The following PTPDC1 variants were observed in gnomAD, a reference collection of about 807,000 sequenced individuals.
PTPDC1 encodes the protein protein tyrosine phosphatase domain containing 1.
Under a neutral mutation model 75.3 loss-of-function variants are expected in PTPDC1, and 53 were observed. That is an observed-to-expected ratio of 0.70 (90% CI 0.56 to 0.88). The LOEUF (loss-of-function observed/expected upper bound fraction) is 0.88, where lower values mean the gene tolerates loss of function less well. Ranked by LOEUF, PTPDC1 falls within the 40% of genes least tolerant of loss-of-function variation. The probability of loss-of-function intolerance (pLI) is 0.00; values close to 1 mark genes in which losing one functional copy is unlikely to be tolerated. For synonymous variants in PTPDC1, 349 were observed against 366.2 expected (o/e 0.95, Z 0.54); for missense variants, 925 against 998.6 (o/e 0.93, Z 0.99).
At chr9:94,058,708 A>AAAAC (rs1468481375) in intron 1 of PTPDC1, among the ~76,000 whole-genome samples, 7 of 151,282 alleles carry the variant, frequency 4.6e-5, no homozygotes, top group Admixed American at 6.6e-5. Flanking sequence ...TCTGTCTCAA[A>AAAAC]AAACAAACAA....
chr9:94,088,156 A>T lies in PTPDC1; in HGVS notation c.509A>T (p.Lys170Ile). The T allele has an allele frequency of 6.2e-7, 1 of 1,613,344 alleles. No individual in the cohort carries two copies. The highest frequency in any genetic ancestry group is 1.3e-5 in the African/African-American group (1 of 74,984). Residue 170 changes from lysine (K) to isoleucine (I), a missense_variant, in exon 4 of 9, where the codon AAA becomes ATA. Coordinates refer to ENST00000620992, the MANE Select transcript of PTPDC1 (RefSeq NM_001253829.2). Reference protein sequence around the residue: ...IIDQFLSHGIKTIINLQRPGE... With the variant: ...IIDQFLSHGIITIINLQRPGE... ...CTTTTTCCTTTAAGCCATGGCATAA[A>T]AACAATAATCAACCTCCAGCGCCCT...
At chr9:94,086,462 A>G (rs991008563) in intron 2 of PTPDC1, among the ~76,000 whole-genome samples, 2 of 152,186 alleles carry the variant, frequency 1.3e-5, no homozygotes, top group South Asian at 2.1e-4. Context: ...TTTGGGTCCC[A>G]TGTTAAACCA....
intron 1 of PTPDC1, among the ~76,000 whole-genome samples, chr9:94,062,252 A>C (rs1426080985): frequency 6.6e-6 from 1 of 152,180 alleles, no homozygotes; most frequent in Admixed American, 6.5e-5. Context: ...TCCAGTTCCC[A>C]GTAAATTCCC....
chr9:94,069,737 A>C (rs1826446237), intron 2 of PTPDC1, among the ~76,000 whole-genome samples: 2 of 146,956 alleles, frequency 1.4e-5, no homozygotes, highest in South Asian at 2.1e-4. Flanking sequence ...CTGGTCTTGA[A>C]CTCCTGACCT....
intron 1 of PTPDC1, chr9:94,064,598 G>T: frequency 1.6e-6 from 1 of 610,672 alleles, no homozygotes. Context: ...ATCTCAACCT[G>T]ACTAGCCATA....
intron 4 of PTPDC1, among the ~76,000 whole-genome samples, chr9:94,094,974 G>C (rs1827499258): frequency 6.6e-6 from 1 of 152,244 alleles, no homozygotes; most frequent in Non-Finnish European, 1.5e-5. Flanking sequence ...TGCGCCCACT[G>C]TCTGGCACTC....
Position 94,098,576 on chromosome 9 carries a change from G to T in PTPDC1, c.2010G>T (p.Trp670Cys). 2 of 1,609,358 alleles carry T rather than the reference G, an allele frequency of 1.2e-6. No homozygotes were observed. Among genetic ancestry groups the T allele is most frequent in the Non-Finnish European group, 1.7e-6 (2 of 1,177,098 alleles). The change falls in exon 6 of 9, where the codon TGG (tryptophan) becomes TGT (cysteine). Residue 670 changes from tryptophan to cysteine, a missense_variant. Coordinates refer to ENST00000620992, the MANE Select transcript of PTPDC1 (RefSeq NM_001253829.2). ...AACTAAAAAGGAAGGTAGAAATGTG[G>T]CAGGTATTATTAGTACTTAATTTAA... ...KEELKRKVEMWQKELNSRDGA... is the reference protein window; with the variant it reads ...KEELKRKVEMCQKELNSRDGA...
intron 1 of PTPDC1, among the ~76,000 whole-genome samples, chr9:94,064,119 T>G (rs1304686016): frequency 6.6e-6 from 1 of 152,200 alleles, no homozygotes; most frequent in African/African-American, 2.4e-5. Context: ...AACTACAAAG[T>G]TGAATTACAC....
upstream of PTPDC1, among the ~76,000 whole-genome samples, chr9:94,079,470 G>A (rs1302924131): frequency 6.6e-6 from 1 of 152,160 alleles, no homozygotes; most frequent in African/African-American, 2.4e-5. Context: ...AGTTTGGGTG[G>A]TGGCTGTTTT....
chr9:94,074,163 C>T (rs1826600771), intron 2 of PTPDC1, among the ~76,000 whole-genome samples: 1 of 152,148 alleles, frequency 6.6e-6, no homozygotes, highest in African/African-American at 2.4e-5. Flanking sequence ...TCTCGCTTGT[C>T]AGGCAGTGTT....
At chr9:94,038,281 TG>T in intron 1 of PTPDC1, 1 of 798,504 alleles carries the variant, frequency 1.3e-6, no homozygotes. Flanking sequence ...TGATCTTTGC[TG>T]GCATTAAGAA....
intron 1 of PTPDC1, among the ~76,000 whole-genome samples, chr9:94,058,048 ACC>A (rs1292213959): frequency 6.6e-6 from 1 of 152,222 alleles, no homozygotes; most frequent in African/African-American, 2.4e-5. Flanking sequence ...CAGTGAGTTT[ACC>A]TTTGCACCAG....
upstream of PTPDC1, among the ~76,000 whole-genome samples, chr9:94,082,197 A>C (rs892777855): frequency 2.0e-5 from 3 of 152,256 alleles, no homozygotes; most frequent in Admixed American, 6.5e-5. Flanking sequence ...TTGTCACAAA[A>C]AGTAGAGAAC....
chr9:94,100,418 A>G (rs1827796212), intron 6 of PTPDC1: 1 of 152,216 alleles, frequency 6.6e-6, no homozygotes, highest in Non-Finnish European at 1.5e-5. Flanking sequence ...TTTATACATG[A>G]TCTATGGGAT....
intron 4 of PTPDC1, among the ~76,000 whole-genome samples, chr9:94,091,750 A>T (rs1827329443): frequency 6.6e-6 from 1 of 152,124 alleles, no homozygotes; most frequent in African/African-American, 2.4e-5. Context: ...GATTATTGCC[A>T]CAATTTCAGC....
intron 1 of PTPDC1, among the ~76,000 whole-genome samples, chr9:94,043,549 C>A (rs559878877): frequency 1.3e-4 from 20 of 152,036 alleles, no homozygotes; most frequent in African/African-American, 3.9e-4. Flanking sequence ...ATGACTCCCC[C>A]CCTCTACAAA....
At chr9:94,103,335 A>G (rs1457616402) in intron 7 of PTPDC1, among the ~76,000 whole-genome samples, 1 of 152,206 alleles carries the variant, frequency 6.6e-6, no homozygotes, top group Non-Finnish European at 1.5e-5. Context: ...GTTTATCTCA[A>G]TACCCCTTAG....
intron 2 of PTPDC1, among the ~76,000 whole-genome samples, chr9:94,071,357 T>G (rs748744635): frequency 7.9e-5 from 12 of 152,196 alleles, no homozygotes; most frequent in Admixed American, 2.0e-4. Context: ...TTTTTTACTG[T>G]TGAGTTTTAA....
intron 1 of PTPDC1, among the ~76,000 whole-genome samples, chr9:94,031,660 ATTACCGTCCTTT>A (rs1212162492): frequency 6.6e-6 from 1 of 152,104 alleles, no homozygotes; most frequent in Non-Finnish European, 1.5e-5. Flanking sequence ...GATCGTAGAT[ATTACCGTCCTTT>A]GTGGCCTTCC....
Sources: gnomAD v4.1 joint callset for allele counts (sites outside exome capture counted in the v4.1 genomes callset) on GRCh38, gnomAD v4.1.1 for gene constraint, MANE v1.5 for transcripts, NCBI Gene and HGNC (gene_info 2026-07-23, HGNC 2026-07-21) for gene names.